The following PMS1 variants were observed in gnomAD, a reference collection of about 807,000 sequenced individuals.
PMS1 encodes the protein PMS1 protein homolog 1.
A neutral mutation model predicts 93.1 loss-of-function variants in PMS1; 79 were observed. That is an observed-to-expected ratio of 0.85 (90% CI 0.71 to 1.02). The LOEUF is 1.02. PMS1 is among the 50% of genes least tolerant of loss of function. The pLI, the probability that PMS1 is intolerant of heterozygous loss-of-function variation, is 0.00. For missense variants in PMS1, 1,064 were observed against 1,085.3 expected (o/e 0.98, Z 0.28); for synonymous variants, 335 against 363.4 (o/e 0.92, Z 0.89).
Position 189,840,193 on chromosome 2 carries a change from G to C in PMS1, c.583-3771G>C, listed in dbSNP as rs1012281152. Among the ~76,000 whole-genome samples the C allele has an allele frequency of 2.6e-5, 4 of 152,270 alleles. No individual in the cohort carries two copies. In the South Asian group the frequency reaches 8.3e-4, roughly 32 times the overall value. On this transcript the variant is annotated intron_variant, in intron 5 of 12. Coordinates refer to ENST00000441310, the MANE Select transcript of PMS1 (RefSeq NM_000534.5). ...CAGTTTACAAATCAGGCAGCCCCCAGAGCCAGAGTAATTTCAGAGCAAGTC... is the reference window on the plus strand; with the variant it reads ...CAGTTTACAAATCAGGCAGCCCCCACAGCCAGAGTAATTTCAGAGCAAGTC...
chr2:189,857,330 G>A (rs1243099806), intron 9 of PMS1: 2 of 310,176 alleles, frequency 6.4e-6, no homozygotes, highest in African/African-American at 4.4e-5. Flanking sequence ...ACAGAGTGCT[G>A]TGTTAGAACC....
chr2:189,789,178 C>T (rs939250759), intron 1 of PMS1, among the ~76,000 whole-genome samples: 2 of 152,148 alleles, frequency 1.3e-5, no homozygotes, highest in African/African-American at 4.8e-5. Context: ...ATAATGATCT[C>T]TTATTATAAT....
At chr2:189,800,179 A>G (rs1392404548) in intron 3 of PMS1, among the ~76,000 whole-genome samples, 1 of 152,260 alleles carries the variant, frequency 6.6e-6, no homozygotes, top group Admixed American at 6.5e-5. Flanking sequence ...CTATTCAGGT[A>G]TACATAGTGT....
rs5743023 is a variant in PMS1, at chr2:189,808,103, G to A, written c.418+2349G>A. Among the ~76,000 whole-genome samples, 1,100 of 151,986 alleles carry A rather than the reference G, an allele frequency of 7.2e-3. 6 individuals carry two copies. The highest frequency in any genetic ancestry group is 0.013 in the Non-Finnish European group (868 of 67,970). ...TAGCTTCCATTTAAATATTTTCTGC[G>A]TAAGATAAAATTACAGTTCAACCAT... is the stretch of plus-strand genomic sequence containing the variant. On this transcript the variant is annotated intron_variant, in intron 4 of 12. Transcript: ENST00000441310.
chr2:189,853,386 C>G (rs988034292), intron 7 of PMS1, among the ~76,000 whole-genome samples: 1 of 152,052 alleles, frequency 6.6e-6, no homozygotes, highest in Admixed American at 6.6e-5. Context: ...TTCAGAACTT[C>G]CATGACATTG....
At chr2:189,792,431 A>G (rs2048947017) in intron 2 of PMS1, among the ~76,000 whole-genome samples, 1 of 151,842 alleles carries the variant, frequency 6.6e-6, no homozygotes, top group African/African-American at 2.4e-5. Context: ...ACACATAGAG[A>G]TATGGTCTAT....
At chr2:189,858,383 A>C (rs1383512856) in intron 9 of PMS1, among the ~76,000 whole-genome samples, 1 of 152,170 alleles carries the variant, frequency 6.6e-6, no homozygotes. Context: ...TTTATAACTA[A>C]ATGCAATGTT....
rs779894503 is a variant in PMS1 at position 189,854,620 on chromosome 2, C to T, written c.1348C>T (p.Gln450Ter). ...SMSNVSWENS[Q>*]TEYSKTCFIS... The stretch of plus-strand genomic sequence containing the variant: ...GAGTAATGTATCATGGGAGAACTCT[C>T]AGACGGAATATAGTAAAACTTGTTT... Residue 450 changes from glutamine to a stop codon, truncating the protein, a stop_gained, in exon 9 of 13, where the codon CAG becomes TAG. Transcript: ENST00000441310. LOFTEE classifies it high-confidence loss of function. The T allele has an allele frequency of 3.1e-6, 5 of 1,613,818 alleles. No individual in the cohort carries two copies. The highest frequency in any genetic ancestry group is 1.3e-5 in the African/African-American group (1 of 74,900).
chr2:189,832,722 C>T (rs938032293), intron 5 of PMS1, among the ~76,000 whole-genome samples: 43 of 152,016 alleles, frequency 2.8e-4, no homozygotes, highest in African/African-American at 1.0e-3. Context: ...CACCTGGTCA[C>T]GTTTTCTTTA....
intron 5 of PMS1, among the ~76,000 whole-genome samples, chr2:189,839,423 A>G (rs1281478696): frequency 6.6e-6 from 1 of 152,204 alleles, no homozygotes; most frequent in Non-Finnish European, 1.5e-5. Context: ...GTGACTCTAC[A>G]TTGCACGTAA....
chr2:189,854,640 T>G lies in PMS1; in HGVS notation c.1368T>G (p.Thr456=). The stretch of plus-strand genomic sequence containing the variant: ...ACTCTCAGACGGAATATAGTAAAAC[T>G]TGTTTTATAAGTTCCGTTAAGCACA... ...WENSQTEYSK[T]CFISSVKHTQ... is the part of the protein sequence containing the mutation. The change falls in exon 9 of 13, where the codon ACT becomes ACG. Residue 456 remains threonine (T), a synonymous_variant. Transcript: ENST00000441310. 1 of 1,613,994 alleles carries G rather than the reference T, an allele frequency of 6.2e-7. No homozygotes were observed.
intron 2 of PMS1, among the ~76,000 whole-genome samples, chr2:189,794,238 A>T (rs1365044790): frequency 6.6e-6 from 1 of 152,042 alleles, no homozygotes. Context: ...TCAGCCTCCC[A>T]AGTAGCTGGG....
chr2:189,827,984 T>C (rs779567703), intron 5 of PMS1, among the ~76,000 whole-genome samples: 2 of 152,112 alleles, frequency 1.3e-5, no homozygotes, highest in East Asian at 3.9e-4. Context: ...AGTGCAGTGG[T>C]GTGATCTCGG....
chr2:189,836,927 C>CAAT (rs1276509891), intron 5 of PMS1, among the ~76,000 whole-genome samples: 1 of 152,140 alleles, frequency 6.6e-6, no homozygotes, highest in East Asian at 1.9e-4. Flanking sequence ...GAAATAGCAT[C>CAAT]CTTGCATTAA....
intron 6 of PMS1, among the ~76,000 whole-genome samples, chr2:189,849,846 A>C (rs2054554951): frequency 6.8e-6 from 1 of 146,936 alleles, no homozygotes; most frequent in African/African-American, 2.5e-5. Flanking sequence ...AGCTCCAGAC[A>C]GTGGCCACGG....
In PMS1 at chr2:189,818,051, T is replaced by C. The variant is rs1003995557; in HGVS notation, c.453T>C (p.Asn151=). The C allele has an allele frequency of 2.5e-6, 4 of 1,610,086 alleles. No individual in the cohort carries two copies. The highest frequency in any genetic ancestry group is 1.3e-5 in the African/African-American group (1 of 74,858). The change falls in exon 5 of 13, where the codon AAT becomes AAC. Residue 151 remains asparagine (N), a synonymous_variant. Coordinates refer to ENST00000441310, the MANE Select transcript of PMS1 (RefSeq NM_000534.5). ...TTVTALRLFK[N]LPVRKQFYST... Reference sequence around the variant, plus strand: ...TAACTGCTTTAAGATTATTTAAGAATCTACCTGTAAGAAAGCAGTTTTACT... The same window carrying C: ...TAACTGCTTTAAGATTATTTAAGAACCTACCTGTAAGAAAGCAGTTTTACT...
chr2:189,785,373 C>T, intron 1 of PMS1: 1 of 152,212 alleles, frequency 6.6e-6, no homozygotes, highest in East Asian at 1.9e-4. Context: ...AACTGACTTT[C>T]CGGGTCATCA....
chr2:189,869,508 G>C (rs1054977088), intron 11 of PMS1, among the ~76,000 whole-genome samples: 1 of 152,026 alleles, frequency 6.6e-6, no homozygotes, highest in Non-Finnish European at 1.5e-5. Context: ...GGCAGGTACT[G>C]GTTTTTTTCA....
intron 3 of PMS1, among the ~76,000 whole-genome samples, chr2:189,797,377 C>T (rs1424749133): frequency 6.6e-6 from 1 of 152,178 alleles, no homozygotes; most frequent in Non-Finnish European, 1.5e-5. Flanking sequence ...GCTGCCTCTG[C>T]CCCAGATCTT....
Sources: allele counts gnomAD v4.1 joint callset (sites outside exome capture counted in the v4.1 genomes callset), GRCh38; gene constraint gnomAD v4.1.1; transcripts MANE v1.5; gene names NCBI Gene and HGNC (gene_info 2026-07-23, HGNC 2026-07-21).